Variants in TTC28 observed in about 807,000 individuals in gnomAD.
The protein encoded by TTC28 is tetratricopeptide repeat domain 28.
A neutral mutation model predicts 198.0 loss-of-function variants in TTC28; 61 were observed. That is an observed-to-expected ratio of 0.31 (90% confidence interval 0.25 to 0.38). TTC28 has a LOEUF of 0.38. TTC28 is among the 10% of genes least tolerant of loss of function. The pLI is 1.00. For synonymous variants in TTC28, 1,171 were observed against 1,297.8 expected (o/e 0.90, Z 2.10); for missense variants, 2,678 against 3,164.0 (o/e 0.85, Z 3.69).
At chr22:28,464,723 C>A (rs1201666543) in intron 2 of TTC28, among the ~76,000 whole-genome samples, 1 of 152,136 alleles carries the variant, frequency 6.6e-6, no homozygotes, top group African/African-American at 2.4e-5. Flanking sequence ...ACTTTTTCTA[C>A]TATCTCTTAA....
chr22:28,302,509 A>G (rs1335862509), intron 3 of TTC28, among the ~76,000 whole-genome samples: 1 of 152,206 alleles, frequency 6.6e-6, no homozygotes, highest in Non-Finnish European at 1.5e-5. Context: ...TTGACTTTCA[A>G]AACAACATTA....
intron 2 of TTC28, among the ~76,000 whole-genome samples, chr22:28,470,118 T>C (rs999812826): frequency 3.9e-5 from 6 of 152,198 alleles, no homozygotes; most frequent in Non-Finnish European, 8.8e-5. Flanking sequence ...GCACTGGGAT[T>C]ACAGGCATAA....
At chr22:28,404,663 T>A (rs952899903) in intron 2 of TTC28, among the ~76,000 whole-genome samples, 2 of 152,310 alleles carry the variant, frequency 1.3e-5, no homozygotes, top group African/African-American at 4.8e-5. Flanking sequence ...TCTCACTATC[T>A]TCTCAGATGT....
At chr22:28,408,902 A>G (rs573883211) in intron 2 of TTC28, among the ~76,000 whole-genome samples, 2 of 152,350 alleles carry the variant, frequency 1.3e-5, no homozygotes, top group East Asian at 3.9e-4. Context: ...TCACTTAAGA[A>G]CTAGGCAACA....
In TTC28 at chr22:27,979,315, A is replaced by G. The variant is rs1480957794; in HGVS notation, c.*2906T>C. On this transcript the variant is annotated 3_prime_UTR_variant, in exon 23 of 23. Transcript: ENST00000397906. ...GCCAACATGGTGAAACCCCATCTCT[A>G]TTAAAAATACAAAAATTAGCAAGGC... The G allele has an allele frequency of 6.6e-6, 1 of 152,176 alleles. No homozygotes were observed. The highest frequency in any genetic ancestry group is 6.5e-5 in the Admixed American group (1 of 15,286). The allele number at this position is 152,176 out of a possible 1,614,324, so 9.4% of individuals were successfully genotyped here. A position where few individuals can be genotyped will look rare whatever the true frequency, so the allele number is the denominator to read the frequency against.
At chr22:28,059,280 GAT>G (rs1940415199) in intron 12 of TTC28, among the ~76,000 whole-genome samples, 1 of 151,694 alleles carries the variant, frequency 6.6e-6, no homozygotes, top group Admixed American at 6.6e-5. Flanking sequence ...TTCATATTTT[GAT>G]ATGTCAGTTT....
At chr22:28,455,966 T>C (rs547999688) in intron 2 of TTC28, among the ~76,000 whole-genome samples, 106 of 151,972 alleles carry the variant, frequency 7.0e-4, no homozygotes, top group Non-Finnish European at 1.2e-3. Context: ...GAGACCAGCA[T>C]GGCCAACAGA....
intron 1 of TTC28, among the ~76,000 whole-genome samples, chr22:28,675,735 T>TCACTCACACA (rs1555910098): frequency 2.2e-5 from 3 of 135,118 alleles, no homozygotes; most frequent in African/African-American, 5.6e-5. Context: ...TGAAACCCTG[T>TCACTCACACA]CACACACACA....
At chr22:28,293,530 A>C (rs1326869420) in intron 5 of TTC28, among the ~76,000 whole-genome samples, 1 of 152,086 alleles carries the variant, frequency 6.6e-6, no homozygotes, top group Non-Finnish European at 1.5e-5. Flanking sequence ...ATGTAGGATA[A>C]ATAAGTTCTA....
chr22:28,466,554 A>G (rs1171956945), intron 2 of TTC28, among the ~76,000 whole-genome samples: 2 of 152,202 alleles, frequency 1.3e-5, no homozygotes, highest in African/African-American at 4.8e-5. Context: ...ACTTGGCACT[A>G]AGACTAGCAA....
chr22:28,674,328 G>A (rs2051942752), intron 1 of TTC28, among the ~76,000 whole-genome samples: 1 of 118,490 alleles, frequency 8.4e-6, no homozygotes, highest in Non-Finnish European at 1.8e-5. Flanking sequence ...GTTTTTGATT[G>A]GGTTTGTCTG....
At chr22:28,164,588 C>T (rs10212036) in intron 5 of TTC28, among the ~76,000 whole-genome samples, 8,942 of 152,278 alleles carry the variant, frequency 0.059, 370 homozygotes, top group South Asian at 0.09. Context: ...AGGGTCCTGA[C>T]TGTTAGAAGG....
intron 2 of TTC28, among the ~76,000 whole-genome samples, chr22:28,393,281 A>G (rs1372210851): frequency 6.6e-6 from 1 of 152,148 alleles, no homozygotes; most frequent in Non-Finnish European, 1.5e-5. Context: ...TTACAACACA[A>G]GCTTTCTACA....
intron 2 of TTC28, among the ~76,000 whole-genome samples, chr22:28,326,065 A>T (rs921563562): frequency 1.3e-5 from 2 of 152,132 alleles, no homozygotes; most frequent in Admixed American, 1.3e-4. Context: ...TAATTTCCCC[A>T]AACTAGAAAC....
chr22:28,362,922 T>C (rs1024497446), intron 2 of TTC28, among the ~76,000 whole-genome samples: 1 of 152,012 alleles, frequency 6.6e-6, no homozygotes, highest in Non-Finnish European at 1.5e-5. Context: ...AAGCAGAACA[T>C]AAAAGTTCGG....
chr22:28,390,826 G>A (rs899066275), intron 2 of TTC28, among the ~76,000 whole-genome samples: 5 of 152,116 alleles, frequency 3.3e-5, no homozygotes, highest in African/African-American at 7.2e-5. Context: ...TTTAATTGGA[G>A]CATTTAGTCC....
At chr22:28,110,935 T>C (rs1478383326) in intron 6 of TTC28, among the ~76,000 whole-genome samples, 1 of 133,226 alleles carries the variant, frequency 7.5e-6, no homozygotes, top group Admixed American at 7.6e-5. Context: ...ACCCTGCCTT[T>C]AAAAAAAAAA....
In TTC28 at chr22:27,989,974, C is replaced by T. The variant is rs1167586764; in HGVS notation, c.5611G>A (p.Glu1871Lys). 6.4e-6 allele frequency: 10 copies of T among 1,551,134 alleles called. No individual in the cohort carries two copies. The highest frequency in any genetic ancestry group is 7.8e-6 in the Non-Finnish European group (9 of 1,146,856). The part of the protein sequence containing the change: ...HQVLVQLQAG[E>K]KEQDLASAPI... ...GCTGATGCCAAGTCCTGCTCCTTCT[C>T]GCCAGCCTGGAGCTGAACCAGCACC... Residue 1871 changes from glutamate (E) to lysine (K), a missense_variant, in exon 21 of 23, where the codon GAG (glutamate) becomes AAG (lysine). Glu to Lys is a moderately conservative substitution (Grantham distance 56). Transcript: ENST00000397906.
At chr22:28,052,081 C>A (rs1940109142) in intron 12 of TTC28, among the ~76,000 whole-genome samples, 2 of 152,234 alleles carry the variant, frequency 1.3e-5, no homozygotes, top group South Asian at 2.1e-4. Context: ...TAGAAAGGTG[C>A]AGAATTAATT....
Sources: gnomAD v4.1 joint callset for allele counts (sites outside exome capture counted in the v4.1 genomes callset) on GRCh38, gnomAD v4.1.1 for gene constraint, MANE v1.5 for transcripts, NCBI Gene and HGNC (gene_info 2026-07-23, HGNC 2026-07-21) for gene names.